The following CAST variants were observed in gnomAD, a reference collection of about 807,000 sequenced individuals.
The protein encoded by CAST is calpastatin, also known as MIR583 host.
In CAST, 76 loss-of-function variants were observed where a neutral mutation model predicts 119.6. The ratio of observed to expected loss-of-function variants is 0.64; its 90% CI spans 0.53 to 0.77. CAST has a LOEUF of 0.77. CAST is among the 30% of genes least tolerant of loss of function. The pLI is 0.00. For missense variants in CAST, 953 were observed against 946.5 expected (o/e 1.01, Z -0.09); for synonymous variants, 319 against 331.6 (o/e 0.96, Z 0.41).
intron 3 of CAST, among the ~76,000 whole-genome samples, chr5:96,697,380 C>G (rs1483138677): frequency 6.6e-6 from 1 of 151,792 alleles, no homozygotes; most frequent in African/African-American, 2.4e-5. Context: ...TTAGTATTTT[C>G]GTGTCACTCA....
the CAST span, among the ~76,000 whole-genome samples, chr5:96,061,001 C>T: frequency 6.6e-6 from 1 of 151,992 alleles, no homozygotes; most frequent in Non-Finnish European, 1.5e-5. Context: ...AGAGTTGGAG[C>T]ACTCTGGTAT....
intron 1 of CAST, chr5:96,662,977 C>T (rs1461721711): frequency 4.8e-6 from 3 of 619,576 alleles, no homozygotes; most frequent in South Asian, 1.9e-5. Flanking sequence ...CGGGCCCCAC[C>T]CCCAGGGTTC....
At chr5:96,433,138 G>T in the CAST span, 32 of 1,157,662 alleles carry the variant, frequency 2.8e-5, no homozygotes, top group Admixed American at 6.8e-5. Flanking sequence ...CCACCCTCGG[G>T]CTCTAGACCA....
chr5:96,762,428 A>G, intron 25 of CAST, 56 bp downstream of exon 25: 4 of 1,276,452 alleles, frequency 3.1e-6, no homozygotes, highest in Admixed American at 2.5e-5. Context: ...ACAACTAGAA[A>G]GAAAATAGGG....
At chr5:96,153,296 G>A in the CAST span, among the ~76,000 whole-genome samples, 1 of 152,182 alleles carries the variant, frequency 6.6e-6, no homozygotes, top group Non-Finnish European at 1.5e-5. Flanking sequence ...CTGACTGTCT[G>A]AAAGACACAG....
chr5:96,234,850 T>C, the CAST span, among the ~76,000 whole-genome samples: 1 of 152,050 alleles, frequency 6.6e-6, no homozygotes, highest in Non-Finnish European at 1.5e-5. Flanking sequence ...GTTTTACTGC[T>C]TTATTGAAGT....
the CAST span, among the ~76,000 whole-genome samples, chr5:96,210,997 C>T: frequency 1.7e-4 from 26 of 151,832 alleles, no homozygotes; most frequent in African/African-American, 6.3e-4. Flanking sequence ...AAATAGAATC[C>T]ATTTTTGTAT....
At chr5:96,272,058 T>C in the CAST span, among the ~76,000 whole-genome samples, 2 of 152,188 alleles carry the variant, frequency 1.3e-5, no homozygotes, top group East Asian at 3.9e-4. Context: ...AAAACCATAA[T>C]GAGATATCAC....
chr5:96,394,814 T>G, the CAST span: 1 of 1,574,162 alleles, frequency 6.4e-7, no homozygotes, highest in Non-Finnish European at 8.7e-7. Context: ...CTGACTACAT[T>G]GTCTACCCCA....
At chr5:96,758,924 A>G (rs940757769) in intron 24 of CAST, among the ~76,000 whole-genome samples, 3 of 152,164 alleles carry the variant, frequency 2.0e-5, no homozygotes, top group African/African-American at 7.2e-5. Flanking sequence ...AGATGAACAA[A>G]TAGTGGGGAA....
intron 1 of CAST, among the ~76,000 whole-genome samples, chr5:96,646,586 T>C (rs1158274661): frequency 6.6e-6 from 1 of 152,204 alleles, no homozygotes; most frequent in Admixed American, 6.5e-5. Context: ...CATAACCACA[T>C]ATAAATTGCT....
chr5:96,133,285 C>T, the CAST span, among the ~76,000 whole-genome samples: 11 of 150,100 alleles, frequency 7.3e-5, no homozygotes, highest in Non-Finnish European at 1.0e-4. Context: ...CCCCTCAAAA[C>T]GCTTTGAGAA....
the CAST span, chr5:96,395,017 T>C: frequency 3.1e-6 from 5 of 1,612,592 alleles, no homozygotes; most frequent in Non-Finnish European, 4.2e-6. Context: ...CATTTTGAAT[T>C]CTTCCAGACT....
At chr5:96,528,909 T>C (rs1055193646), upstream of CAST, among the ~76,000 whole-genome samples, 1 of 152,226 alleles carries the variant, frequency 6.6e-6, no homozygotes, top group Non-Finnish European at 1.5e-5. Flanking sequence ...TTTTTGTCCC[T>C]GTTTCTTCCC....
chr5:96,607,390 A>AG (rs1747279999), intron 1 of CAST, among the ~76,000 whole-genome samples: 1 of 152,248 alleles, frequency 6.6e-6, no homozygotes, highest in Non-Finnish European at 1.5e-5. Context: ...TTTTCACTTC[A>AG]TTCACTGCTG....
chr5:96,698,788 A>C (rs1175462132), intron 3 of CAST, among the ~76,000 whole-genome samples: 1 of 152,242 alleles, frequency 6.6e-6, no homozygotes, highest in African/African-American at 2.4e-5. Flanking sequence ...GGAAGTGAGA[A>C]CTAGTGCTAG....
chr5:96,162,361 C>A, the CAST span, among the ~76,000 whole-genome samples: 3 of 152,072 alleles, frequency 2.0e-5, no homozygotes, highest in African/African-American at 7.2e-5. Flanking sequence ...ACATTTATTG[C>A]GATGATCATG....
At chr5:96,368,218 G>A in the CAST span, among the ~76,000 whole-genome samples, 1 of 151,674 alleles carries the variant, frequency 6.6e-6, no homozygotes, top group Non-Finnish European at 1.5e-5. Flanking sequence ...CTATAGAATT[G>A]GCTGGGCACG....
chr5:96,361,809 C>CTTTTTTTTTTTTTTTTTTTCTT, the CAST span, among the ~76,000 whole-genome samples: 1 of 68,640 alleles, frequency 1.5e-5, no homozygotes, highest in Non-Finnish European at 2.5e-5. Flanking sequence ...CTCTAGTATG[C>CTTTTTTTTTTTTTTTTTTTCTT]TTTTTTTTTT....
Sources: allele counts gnomAD v4.1 joint callset (sites outside exome capture counted in the v4.1 genomes callset), GRCh38; gene constraint gnomAD v4.1.1; transcripts MANE v1.5; gene names NCBI Gene and HGNC (gene_info 2026-07-23, HGNC 2026-07-21).